The following LMCD1 variants were observed in gnomAD, a reference collection of about 807,000 sequenced individuals.
LMCD1 encodes the protein LIM and cysteine rich domains 1, also known as LIM and cysteine-rich domains protein 1.
In LMCD1, 32 loss-of-function variants were observed where a neutral mutation model predicts 42.7. The ratio of observed to expected loss-of-function variants is 0.75; its 90% CI spans 0.57 to 1.01. The LOEUF is 1.01. Among genes scored for constraint, LMCD1 ranks in the 50% least tolerant of loss-of-function variants. The probability of loss-of-function intolerance (pLI) is 0.00; values close to 1 mark genes in which losing one functional copy is unlikely to be tolerated. For synonymous variants in LMCD1, 178 were observed against 184.9 expected, an observed-to-expected ratio of 0.96 and a Z score of 0.30; for missense variants, 458 against 483.1, an observed-to-expected ratio of 0.95 and a Z score of 0.49.
In LMCD1 at chr3:8,574,188, G is replaced by A. The variant is rs1329097241; in HGVS notation, c.*6590G>A. 1 of 152,212 alleles carries A rather than the reference G, an allele frequency of 6.6e-6. No individual in the cohort carries two copies. Among genetic ancestry groups the A allele is most frequent in the Non-Finnish European group, 1.5e-5 (1 of 68,070 alleles). The allele number at this position is 152,212 out of a possible 1,614,324, so 9.4% of individuals were successfully genotyped here. A position where few individuals can be genotyped will look rare whatever the true frequency, so the allele number is the denominator to read the frequency against. ...AGCTTCTCTTTCTGGAGCTTCCCAG[G>A]GGTAACTTTGATCAGCCAACAAGGG... On this transcript the variant is annotated 3_prime_UTR_variant, in exon 6 of 6. Coordinates refer to ENST00000157600, the MANE Select transcript of LMCD1 (RefSeq NM_014583.4).
chr3:8,567,545 G>C lies in LMCD1; in HGVS notation c.1045G>C (p.Val349Leu). The C allele has an allele frequency of 1.2e-6, 2 of 1,613,644 alleles. No individual in the cohort carries two copies. Among genetic ancestry groups the C allele is most frequent in the Non-Finnish European group, 1.7e-6 (2 of 1,179,910 alleles). The change falls in exon 6 of 6, where the codon GTC becomes CTC. Residue 349 changes from valine to leucine, a missense_variant. Val to Leu is a conservative substitution (Grantham distance 32). Transcript: ENST00000157600. ...GCTGCTGAGCGGCCGGGCGTACATC[G>C]TCACCAAGGGTCAGCTTCTGTGCCC... ...EQLLSGRAYI[V>L]TKGQLLCPTC...
rs1695214304 is a variant in LMCD1 at position 8,571,335 on chromosome 3, G to T, written c.*3737G>T. 1 of 152,122 alleles carries T rather than the reference G, an allele frequency of 6.6e-6. No individual in the cohort carries two copies. Among genetic ancestry groups the T allele is most frequent in the Non-Finnish European group, 1.5e-5 (1 of 68,026 alleles). The allele number at this position is 152,122 out of a possible 1,614,324, so 9.4% of individuals were successfully genotyped here. A position where few individuals can be genotyped will look rare whatever the true frequency, so the allele number is the denominator to read the frequency against. On this transcript the variant is annotated 3_prime_UTR_variant, in exon 6 of 6. Transcript: ENST00000157600. ...ACTAAATGAAAGAACAAACAACCTG[G>T]GGTTCTGGGATGGTTCGTCTTTGCT... is the stretch of plus-strand genomic sequence containing the variant.
At chr3:8,508,742 A>C (rs530285102) in intron 1 of LMCD1, among the ~76,000 whole-genome samples, 1 of 152,340 alleles carries the variant, frequency 6.6e-6, no homozygotes, top group South Asian at 2.1e-4. Context: ...TGCCACAACC[A>C]AGATACATTG....
At chr3:8,525,066 C>G (rs1334647754) in intron 1 of LMCD1, among the ~76,000 whole-genome samples, 4 of 151,326 alleles carry the variant, frequency 2.6e-5, no homozygotes, top group Non-Finnish European at 4.4e-5. Flanking sequence ...TAAGATCTAC[C>G]CTGTTAGCAA....
chr3:8,525,031 A>T (rs1386114350), intron 1 of LMCD1, among the ~76,000 whole-genome samples: 1 of 152,146 alleles, frequency 6.6e-6, no homozygotes, highest in Non-Finnish European at 1.5e-5. Flanking sequence ...TAATCAAACT[A>T]ATTTTTTTAC....
At chr3:8,545,852 A>G (rs1036327925) in intron 3 of LMCD1, among the ~76,000 whole-genome samples, 6 of 152,226 alleles carry the variant, frequency 3.9e-5, no homozygotes, top group African/African-American at 1.4e-4. Flanking sequence ...AAAAGCAAAC[A>G]GGGTCAGGTG....
At chr3:8,515,340 C>T (rs1299246909) in intron 1 of LMCD1, among the ~76,000 whole-genome samples, 2 of 152,166 alleles carry the variant, frequency 1.3e-5, no homozygotes, top group Admixed American at 1.3e-4. Flanking sequence ...AGAGGGTTTC[C>T]TCCTCCACGG....
At chr3:8,541,653 A>G (rs2125027768) in intron 3 of LMCD1, among the ~76,000 whole-genome samples, 1 of 152,360 alleles carries the variant, frequency 6.6e-6, no homozygotes, top group Non-Finnish European at 1.5e-5. Flanking sequence ...TTATGGGAAC[A>G]AGATTTAGCT....
In LMCD1 at chr3:8,570,514, G is replaced by A. The variant is rs1293186270; in HGVS notation, c.*2916G>A. On this transcript the variant is annotated 3_prime_UTR_variant, in exon 6 of 6. Coordinates refer to ENST00000157600, the MANE Select transcript of LMCD1 (RefSeq NM_014583.4). ...ATGTCTATTAATGACACCCACCCTTGCATTTGGAGCACCTGAATCATCTCT... is the reference window on the plus strand; with the variant it reads ...ATGTCTATTAATGACACCCACCCTTACATTTGGAGCACCTGAATCATCTCT... The A allele has an allele frequency of 1.3e-5, 2 of 152,498 alleles. No homozygotes were observed. Among genetic ancestry groups the A allele is most frequent in the African/African-American group, 4.8e-5 (2 of 41,444 alleles). 9.4% of individuals were successfully genotyped at this position (152,498 alleles called of 1,614,324 possible). A position where few individuals can be genotyped will look rare whatever the true frequency, so the allele number is the denominator to read the frequency against.
chr3:8,571,060 C>G lies in LMCD1; in HGVS notation c.*3462C>G, dbSNP rs1695205649. ...TTAACTCTTGCCTGATTCTATCTCC[C>G]ATGTCAGCAGGAAGAGGGGCTGCCA... On this transcript the variant is annotated 3_prime_UTR_variant, in exon 6 of 6. Coordinates refer to ENST00000157600, the MANE Select transcript of LMCD1 (RefSeq NM_014583.4). 1.3e-5 allele frequency: 2 copies of G among 152,206 alleles called. 1 individual carries two copies. The highest frequency in any genetic ancestry group is 4.1e-4 in the South Asian group (2 of 4,828). 9.4% of individuals were successfully genotyped at this position (152,206 alleles called of 1,614,324 possible).
Position 8,548,780 on chromosome 3 carries a change from C to G in LMCD1, c.600C>G (p.Ala200=), listed in dbSNP as rs537442251. ...KSEALGVGEV[A]LPGQGGLPKE... Reference sequence around the variant, plus strand: ...AGGCCCTCGGCGTGGGAGAAGTGGCCCTCCCGGGGCAGGGTGGCTTGCCCA... The same window carrying G: ...AGGCCCTCGGCGTGGGAGAAGTGGCGCTCCCGGGGCAGGGTGGCTTGCCCA... Residue 200 remains alanine, a synonymous_variant, in exon 4 of 6, where the codon GCC becomes GCG. Coordinates refer to ENST00000157600, the MANE Select transcript of LMCD1 (RefSeq NM_014583.4). The G allele has an allele frequency of 6.2e-7, 1 of 1,611,494 alleles. No homozygotes were observed. Among genetic ancestry groups the G allele is most frequent in the Admixed American group, 1.7e-5 (1 of 59,968 alleles).
intron 1 of LMCD1, among the ~76,000 whole-genome samples, chr3:8,502,304 A>ATATATAATATATATT (rs1491354239): frequency 8.1e-5 from 1 of 12,366 alleles, no homozygotes; most frequent in African/African-American, 3.3e-4. Flanking sequence ...TATTATATAT[A>ATATATAATATATATT]ATATATAAAA....
intron 1 of LMCD1, among the ~76,000 whole-genome samples, chr3:8,519,741 CAAAAA>C (rs59146036): frequency 1.8e-5 from 2 of 109,552 alleles, no homozygotes; most frequent in African/African-American, 6.6e-5. Context: ...CATATGATAG[CAAAAA>C]AAAAAAAAGA....
At chr3:8,537,669 C>G (rs75045149) in intron 3 of LMCD1, among the ~76,000 whole-genome samples, 2 of 152,250 alleles carry the variant, frequency 1.3e-5, no homozygotes, top group East Asian at 3.9e-4. Flanking sequence ...TTCATATGGA[C>G]CCCAAGAGGC....
At chr3:8,554,641 T>A (rs1694898873) in intron 4 of LMCD1, among the ~76,000 whole-genome samples, 1 of 152,024 alleles carries the variant, frequency 6.6e-6, no homozygotes, top group Non-Finnish European at 1.5e-5. Flanking sequence ...TGGGAGCCCC[T>A]CGCGCACTCT....
At position 8,569,568 on chromosome 3, in the gene LMCD1, C is replaced by T. The variant is rs1574980118; in HGVS notation, c.*1970C>T. 1 of 152,140 alleles carries T rather than the reference C, an allele frequency of 6.6e-6. No homozygotes were observed. The highest frequency in any genetic ancestry group is 1.9e-4 in the East Asian group (1 of 5,190). 9.4% of individuals were successfully genotyped at this position (152,140 alleles called of 1,614,324 possible). ...GATGGGCCTCAAGCAAATATTCTCA[C>T]AAGTCAATGCAAAATTACACTACTG... On this transcript the variant is annotated 3_prime_UTR_variant, in exon 6 of 6. Coordinates refer to ENST00000157600, the MANE Select transcript of LMCD1 (RefSeq NM_014583.4).
At chr3:8,526,495 CAGTT>C (rs59345974) in intron 1 of LMCD1, among the ~76,000 whole-genome samples, 65,544 of 151,620 alleles carry the variant, frequency 0.43, 14,868 homozygotes, top group Non-Finnish European at 0.51. Context: ...CAAACCAGGA[CAGTT>C]AGTTACCCTT....
At chr3:8,521,824 C>T (rs946602720) in intron 1 of LMCD1, among the ~76,000 whole-genome samples, 3 of 151,958 alleles carry the variant, frequency 2.0e-5, no homozygotes, top group East Asian at 1.9e-4. Flanking sequence ...ACCAGATGAC[C>T]GAGGGAACTG....
intron 1 of LMCD1, among the ~76,000 whole-genome samples, chr3:8,529,911 G>A (rs112935469): frequency 5.5e-4 from 84 of 152,232 alleles, no homozygotes; most frequent in African/African-American, 1.8e-3. Context: ...GCAGCATCCC[G>A]TTTAACCTCC....
Sources: allele counts gnomAD v4.1 joint callset (sites outside exome capture counted in the v4.1 genomes callset), GRCh38; gene constraint gnomAD v4.1.1; transcripts MANE v1.5; gene names NCBI Gene and HGNC (gene_info 2026-07-23, HGNC 2026-07-21).